The following PDE3B variants were observed in gnomAD, a reference collection of about 807,000 sequenced individuals.
PDE3B encodes the protein phosphodiesterase 3B.
In PDE3B, 66 loss-of-function variants were observed where a neutral mutation model predicts 116.8. The ratio of observed to expected loss-of-function variants is 0.56; its 90% CI spans 0.46 to 0.69. The LOEUF is 0.69. PDE3B is among the 30% of genes least tolerant of loss of function. The pLI, the probability that PDE3B is intolerant of heterozygous loss-of-function variation, is 0.00. For synonymous variants in PDE3B, 595 were observed against 533.6 expected (o/e 1.12, Z -1.59); for missense variants, 1,384 against 1,368.1 (o/e 1.01, Z -0.18).
chr11:14,810,570 T>C (rs1859095564), intron 5 of PDE3B, among the ~76,000 whole-genome samples: 1 of 151,984 alleles, frequency 6.6e-6, no homozygotes, highest in African/African-American at 2.4e-5. Flanking sequence ...TCTATCATTG[T>C]TGGACATTTG....
intron 12 of PDE3B, among the ~76,000 whole-genome samples, chr11:14,855,316 TG>T (rs1847828907): frequency 6.6e-6 from 1 of 151,698 alleles, no homozygotes; most frequent in Admixed American, 6.6e-5. Context: ...TAGCACATCA[TG>T]GAAAAATTTC....
At chr11:14,772,559 C>T (rs1331164306) in intron 2 of PDE3B, 2 of 151,978 alleles carry the variant, frequency 1.3e-5, no homozygotes, top group East Asian at 3.9e-4. Context: ...CACATATGCC[C>T]AATTCCAGTC....
chr11:14,868,215 T>C (rs1402736301), intron 15 of PDE3B, among the ~76,000 whole-genome samples: 1 of 152,182 alleles, frequency 6.6e-6, no homozygotes, highest in Non-Finnish European at 1.5e-5. Flanking sequence ...CTTGAGGTGT[T>C]GTCCTCCAGC....
At chr11:14,700,416 A>G (rs1855330045) in intron 1 of PDE3B, among the ~76,000 whole-genome samples, 1 of 151,786 alleles carries the variant, frequency 6.6e-6, no homozygotes, top group Admixed American at 6.6e-5. Flanking sequence ...AACTGTCAAA[A>G]ATAAGTATTT....
At chr11:14,690,975 G>A (rs1409586326) in intron 1 of PDE3B, among the ~76,000 whole-genome samples, 1 of 152,044 alleles carries the variant, frequency 6.6e-6, no homozygotes, top group Non-Finnish European at 1.5e-5. Context: ...ATACGTTAAA[G>A]GAAGGGAAAA....
chr11:14,756,021 C>A (rs911693499), intron 1 of PDE3B, among the ~76,000 whole-genome samples: 2 of 152,036 alleles, frequency 1.3e-5, no homozygotes, highest in African/African-American at 2.4e-5. Flanking sequence ...CCAACTTAAC[C>A]CATTTTACAA....
chr11:14,857,480 TG>T (rs1222609970), intron 12 of PDE3B, among the ~76,000 whole-genome samples: 3 of 152,208 alleles, frequency 2.0e-5, no homozygotes, highest in African/African-American at 7.2e-5. Context: ...GTGAGTCTAC[TG>T]GGGATCAGCA....
chr11:14,696,168 T>C (rs1172333631), intron 1 of PDE3B, among the ~76,000 whole-genome samples: 1 of 152,102 alleles, frequency 6.6e-6, no homozygotes, highest in Non-Finnish European at 1.5e-5. Context: ...TTGCCAGCAT[T>C]TGTTGTTTCT....
intron 14 of PDE3B, among the ~76,000 whole-genome samples, chr11:14,867,087 G>T (rs939737361): frequency 6.6e-6 from 1 of 151,392 alleles, no homozygotes; most frequent in East Asian, 1.9e-4. Context: ...AAAGGGGGTG[G>T]AGGTAGTGTT....
chr11:14,676,150 C>T (rs1466398870), intron 1 of PDE3B, among the ~76,000 whole-genome samples: 1 of 152,044 alleles, frequency 6.6e-6, no homozygotes, highest in Non-Finnish European at 1.5e-5. Context: ...ATGTTCAAGT[C>T]TTTTGCTAAT....
intron 12 of PDE3B, among the ~76,000 whole-genome samples, chr11:14,857,100 T>G (rs1847865703): frequency 6.6e-6 from 1 of 152,216 alleles, no homozygotes; most frequent in Non-Finnish European, 1.5e-5. Flanking sequence ...TCTTTCCAAC[T>G]CAGAGGGTGA....
At chr11:14,732,364 C>A (rs944276572) in intron 1 of PDE3B, among the ~76,000 whole-genome samples, 2 of 152,110 alleles carry the variant, frequency 1.3e-5, no homozygotes, top group Non-Finnish European at 2.9e-5. Context: ...AATGCCCAGT[C>A]AATATATCAG....
chr11:14,803,885 A>G, intron 4 of PDE3B, 59 bp from the exon 5 acceptor site: 4 of 958,486 alleles, frequency 4.2e-6, no homozygotes, highest in Non-Finnish European at 6.7e-6. Context: ...AACCATGAGG[A>G]AAAAAGGTGA....
chr11:14,749,910 A>ATATATATATG (rs763744588), intron 1 of PDE3B, among the ~76,000 whole-genome samples: 3 of 131,488 alleles, frequency 2.3e-5, no homozygotes, highest in African/African-American at 9.4e-5. Context: ...ATATATATAT[A>ATATATATATG]TATGTATCTT....
At chr11:14,799,102 A>T (rs1025115930) in intron 4 of PDE3B, among the ~76,000 whole-genome samples, 8 of 152,146 alleles carry the variant, frequency 5.3e-5, no homozygotes, top group Non-Finnish European at 8.8e-5. Flanking sequence ...CACTGCTTTA[A>T]ATGTGTCCCA....
chr11:14,783,891 G>A (rs145966883), intron 2 of PDE3B, among the ~76,000 whole-genome samples: 78 of 152,238 alleles, frequency 5.1e-4, no homozygotes, highest in African/African-American at 1.5e-3. Flanking sequence ...AACCAGTACC[G>A]GTCTGTGGCC....
intron 4 of PDE3B, among the ~76,000 whole-genome samples, chr11:14,798,263 G>A (rs1027978914): frequency 6.6e-6 from 1 of 152,170 alleles, no homozygotes; most frequent in Non-Finnish European, 1.5e-5. Flanking sequence ...AACCAGCCTT[G>A]CATCGCAGGG....
intron 4 of PDE3B, among the ~76,000 whole-genome samples, chr11:14,793,391 T>G (rs567461489): frequency 3.3e-5 from 5 of 152,226 alleles, no homozygotes; most frequent in African/African-American, 1.2e-4. Context: ...TTAAATAATT[T>G]TATGCGTGAA....
At chr11:14,825,123 A>G (rs1859647290) in intron 7 of PDE3B, among the ~76,000 whole-genome samples, 1 of 152,208 alleles carries the variant, frequency 6.6e-6, no homozygotes, top group Admixed American at 6.5e-5. Context: ...GACCCACTTA[A>G]AAGAGATCTT....
Sources: allele counts gnomAD v4.1 joint callset (sites outside exome capture counted in the v4.1 genomes callset), GRCh38; gene constraint gnomAD v4.1.1; transcripts MANE v1.5; gene names NCBI Gene and HGNC (gene_info 2026-07-23, HGNC 2026-07-21).